The following CELSR1 variants were observed in gnomAD, a reference collection of about 807,000 sequenced individuals.
CELSR1 encodes adhesion G protein-coupled receptor C1.
Under a neutral mutation model 249.1 loss-of-function variants are expected in CELSR1, and 110 were observed. The observed-to-expected ratio is 0.44, with a 90% CI of 0.38 to 0.52. CELSR1 has a LOEUF of 0.52. Ranked by LOEUF, CELSR1 falls within the 20% of genes least tolerant of loss-of-function variation. CELSR1 has a pLI of 0.00. For missense variants in CELSR1, 4,109 were observed against 4,296.4 expected (o/e 0.96, Z 1.22); for synonymous variants, 2,113 against 1,900.0 (o/e 1.11, Z -2.92).
At position 46,445,385 on chromosome 22, in the gene CELSR1, T is replaced by C. The variant is rs577671598; in HGVS notation, c.4184-5974A>G. ...GGCGCATGCCTGTAGTCCCAGCTAC[T>C]AGGCAGGCTGAGGCAGGAGAATCTC... On this transcript the variant is annotated intron_variant, in intron 2 of 34. Coordinates refer to ENST00000674500, the MANE Select transcript of CELSR1 (RefSeq NM_001378328.1). This position sits in a 1 kb window ranked among gnomAD's most constrained non-coding sequence, Gnocchi z 4.4. Among the ~76,000 whole-genome samples, 17 of 152,202 alleles carry C rather than the reference T, an allele frequency of 1.1e-4. No individual in the cohort carries two copies. The South Asian group carries it at 1.7e-3, about 15-fold the overall frequency.
intron 1 of CELSR1, among the ~76,000 whole-genome samples, chr22:46,528,141 G>A (rs1025743700): frequency 2.0e-5 from 3 of 151,088 alleles, no homozygotes; most frequent in African/African-American, 7.3e-5. Flanking sequence ...CCTACCCTGT[G>A]AGTTCCAGAA....
chr22:46,482,342 C>G (rs738460), intron 1 of CELSR1, among the ~76,000 whole-genome samples: 130,834 of 151,846 alleles, frequency 0.86, 56,617 homozygotes, highest in East Asian at 1. Flanking sequence ...TTCTATGCTG[C>G]TGGCCCTGAA....
In CELSR1 at chr22:46,430,439, G is replaced by T. The variant is rs1159226358; in HGVS notation, c.4611+2954C>A. Among the ~76,000 whole-genome samples the T allele has an allele frequency of 6.6e-6, 1 of 152,026 alleles. No homozygotes were observed. The highest frequency in any genetic ancestry group is 1.9e-4 in the East Asian group (1 of 5,174). On this transcript the variant is annotated intron_variant, in intron 5 of 34. Transcript: ENST00000674500. This position sits in a 1 kb window ranked among gnomAD's most constrained non-coding sequence, Gnocchi z 4.6. ...GGCAGGCAGGGACGCGTGTGCAGGG[G>T]GGTTCCCTCGGCAGTGTCACCCACC...
At position 46,399,769 on chromosome 22, in the gene CELSR1, T is replaced by A; in HGVS notation, c.5360A>T (p.Asp1787Val). The A allele has an allele frequency of 6.2e-7, 1 of 1,614,014 alleles. No individual in the cohort carries two copies. ...GGTGACCAGGTGCTTCATCTCACTGTCCTCCTTAACATTCTTCAGCTCGAT... is the reference window on the plus strand; with the variant it reads ...GGTGACCAGGTGCTTCATCTCACTGACCTCCTTAACATTCTTCAGCTCGAT... ...LLIELKNVKE[D>V]SEMKHLVTMT... The change falls in exon 10 of 35, where the codon GAC (aspartate) becomes GTC (valine). Residue 1787 changes from aspartate (D) to valine (V), a missense_variant. Around this residue, in one of 7 missense-constraint regions of CELSR1, gnomAD observed 1,805 missense variants for 1,831.6 expected, o/e 0.99. Coordinates refer to ENST00000674500, the MANE Select transcript of CELSR1 (RefSeq NM_001378328.1). This position sits in a 1 kb window ranked among gnomAD's most constrained non-coding sequence, Gnocchi z 5.0.
chr22:46,485,033 T>C (rs980385599), intron 1 of CELSR1, among the ~76,000 whole-genome samples: 2 of 151,992 alleles, frequency 1.3e-5, no homozygotes, highest in Non-Finnish European at 2.9e-5. Flanking sequence ...AGAAGGGTCA[T>C]TTGAGATGAT....
chr22:46,374,262 G>T lies in CELSR1; in HGVS notation c.7585-1205C>A, dbSNP rs1480990514. Among the ~76,000 whole-genome samples the T allele has an allele frequency of 1.3e-5, 2 of 152,214 alleles. No individual in the cohort carries two copies. Among genetic ancestry groups the T allele is most frequent in the Non-Finnish European group, 2.9e-5 (2 of 68,034 alleles). On this transcript the variant is annotated intron_variant, in intron 24 of 34. Coordinates refer to ENST00000674500, the MANE Select transcript of CELSR1 (RefSeq NM_001378328.1). This position sits in a 1 kb window ranked among gnomAD's most constrained non-coding sequence, Gnocchi z 4.3. ...AAGGGGGTGAGAAGGTTGGTTGGCTGGATGGCTGCTTCAAGTAATGCGAAA... is the reference window on the plus strand; with the variant it reads ...AAGGGGGTGAGAAGGTTGGTTGGCTTGATGGCTGCTTCAAGTAATGCGAAA...
In CELSR1 at chr22:46,535,096, T is replaced by C. The variant is rs549630193; in HGVS notation, c.2075A>G (p.Tyr692Cys). ...DNDPVFTQPT[Y>C]ELRLNEDAAV... ...CGCATCCTCATTCAGACGAAGCTCGTAGGTGGGCTGCGTGAACACCGGGTC... is the reference window on the plus strand; with the variant it reads ...CGCATCCTCATTCAGACGAAGCTCGCAGGTGGGCTGCGTGAACACCGGGTC... Residue 692 changes from tyrosine (Y) to cysteine (C), a missense_variant, in exon 1 of 35, where the codon TAC (tyrosine) becomes TGC (cysteine). Physicochemically the swap from Tyr to Cys is radical, Grantham distance 194. Transcript: ENST00000674500. 5.6e-6 allele frequency: 9 copies of C among 1,612,206 alleles called. No homozygotes were observed. Among genetic ancestry groups the C allele is most frequent in the East Asian group, 4.5e-5 (2 of 44,860 alleles).
At position 46,428,717 on chromosome 22, in the gene CELSR1, G is replaced by A. The variant is rs571956234; in HGVS notation, c.4611+4676C>T. 3.3e-5 allele frequency among the ~76,000 whole-genome samples: 5 copies of A among 152,292 alleles called. No individual in the cohort carries two copies. The highest frequency in any genetic ancestry group is 2.1e-4 in the South Asian group (1 of 4,828). ...GGAAATCCTGACGCGGCTGCTCACC[G>A]CCTCCCACATCTGCTTCATGCGGGA... On this transcript the variant is annotated intron_variant, in intron 5 of 34. Transcript: ENST00000674500. This position sits in a 1 kb window ranked among gnomAD's most constrained non-coding sequence, Gnocchi z 5.7.
intron 1 of CELSR1, among the ~76,000 whole-genome samples, chr22:46,492,552 A>G (rs5767222): frequency 0.91 from 139,298 of 152,266 alleles, 63,863 homozygotes; most frequent in East Asian, 1. Context: ...GGCCAGGCGC[A>G]GTGGCTCACG....
rs1807938338 is a variant in CELSR1, at chr22:46,536,889, G to A, written c.282C>T (p.Ala94=). 8.2e-7 allele frequency: 1 copy of A among 1,225,322 alleles called. No individual in the cohort carries two copies. Among genetic ancestry groups the A allele is most frequent in the South Asian group, 2.4e-5 (1 of 40,930 alleles). The allele number at this position is 1,225,322 out of a possible 1,614,324, so 75.9% of individuals were successfully genotyped here. ...RPLPLQVRLV[A]RSAPTALSRR... ...GGCTCAGCGCCGTCGGGGCACTGCG[G>A]GCCACCAAGCGGACTTGCAGCGGCA... The change falls in exon 1 of 35, where the codon GCC becomes GCT. Residue 94 remains alanine (A), a synonymous_variant. Coordinates refer to ENST00000674500, the MANE Select transcript of CELSR1 (RefSeq NM_001378328.1).
At chr22:46,387,663 G>T (rs1034305120) in intron 18 of CELSR1, among the ~76,000 whole-genome samples, 2 of 152,086 alleles carry the variant, frequency 1.3e-5, no homozygotes, top group African/African-American at 4.8e-5. Flanking sequence ...CCGGCCAGAA[G>T]TCATTTTTTA....
In CELSR1 at chr22:46,361,251, G is replaced by A. The variant is rs899430538; in HGVS notation, c.*1972C>T. ...GTGTTTTGAACATTAATAAATACAC[G>A]TTCTGTTAAAAACCTCCAGTGTCTA... On this transcript the variant is annotated 3_prime_UTR_variant, in exon 35 of 35. Coordinates refer to ENST00000674500, the MANE Select transcript of CELSR1 (RefSeq NM_001378328.1). 6 of 152,534 alleles carry A rather than the reference G, an allele frequency of 3.9e-5. No individual in the cohort carries two copies. Among genetic ancestry groups the A allele is most frequent in the Non-Finnish European group, 7.3e-5 (5 of 68,044 alleles). The allele number at this position is 152,534 out of a possible 1,614,324, so 9.4% of individuals were successfully genotyped here. A position where few individuals can be genotyped will look rare whatever the true frequency, so the allele number is the denominator to read the frequency against.
At chr22:46,416,006 G>A (rs975789558) in intron 5 of CELSR1, among the ~76,000 whole-genome samples, 1 of 152,130 alleles carries the variant, frequency 6.6e-6, no homozygotes, top group Non-Finnish European at 1.5e-5. Context: ...AACAGCTCCC[G>A]ACTGTGGGGT....
In CELSR1 at chr22:46,529,752, G is replaced by A. The variant is rs191921615; in HGVS notation, c.3544+3875C>T. 5.0e-3 allele frequency among the ~76,000 whole-genome samples: 754 copies of A among 151,340 alleles called. 8 individuals are homozygous for A. Among genetic ancestry groups the A allele is most frequent in the African/African-American group, 0.018 (722 of 41,180 alleles). ...CAGGAGGTAGAGGTTGCAGTGAGCC[G>A]AGATCATGTCACTGCACTCTAGGCT... On this transcript the variant is annotated intron_variant, in intron 1 of 34. Transcript: ENST00000674500.
chr22:46,452,077 G>A (rs1017227624), intron 2 of CELSR1, among the ~76,000 whole-genome samples: 3 of 152,206 alleles, frequency 2.0e-5, no homozygotes, highest in Non-Finnish European at 4.4e-5. Context: ...CCTTGATTTC[G>A]GCCTTCCAGC....
rs1400795142 is a variant in CELSR1, at chr22:46,409,359, G to A, written c.5060-197C>T. On this transcript the variant is annotated intron_variant, in intron 8 of 34. Transcript: ENST00000674500. The surrounding 1 kb of genome is among the most constrained non-coding windows in gnomAD (Gnocchi z 9.8). ...CGTGGGCTCCAGAGAAGCGCACCCT[G>A]GGACGTGAGCCTCCTTGCTGGGAAG... Among the ~76,000 whole-genome samples, 1 of 152,200 alleles carries A rather than the reference G, an allele frequency of 6.6e-6. No homozygotes were observed.
Position 46,363,827 on chromosome 22 carries a change from G to T in CELSR1, c.9035+169C>A, listed in dbSNP as rs2078732886. On this transcript the variant is annotated intron_variant, in intron 34 of 34. Coordinates refer to ENST00000674500, the MANE Select transcript of CELSR1 (RefSeq NM_001378328.1). This position sits in a 1 kb window ranked among gnomAD's most constrained non-coding sequence, Gnocchi z 4.3. ...CTGCCCATCTCCGGGGTATCCTCCTGACCTCAGCTGCAGCGCCTCCCCCCT... is the reference window on the plus strand; with the variant it reads ...CTGCCCATCTCCGGGGTATCCTCCTTACCTCAGCTGCAGCGCCTCCCCCCT... 1 of 875,452 alleles carries T rather than the reference G, an allele frequency of 1.1e-6. No individual in the cohort carries two copies. Among genetic ancestry groups the T allele is most frequent in the South Asian group, 1.9e-5 (1 of 52,496 alleles). 54.2% of individuals were successfully genotyped at this position (875,452 alleles called of 1,614,324 possible). A position where few individuals can be genotyped will look rare whatever the true frequency, so the allele number is the denominator to read the frequency against.
In CELSR1 at chr22:46,426,126, G is replaced by GGCTGGGGAGGGCGCA. The variant is rs879557395; in HGVS notation, c.4611+7252_4611+7266dup. ...AGGGCTGAGTGAGGCAGAGCAGCAA[G>GGCTGGGGAGGGCGCA]GCTGGGGAGGGCGCAGCCGGGGAGG... On this transcript the variant is annotated intron_variant, in intron 5 of 34. Coordinates refer to ENST00000674500, the MANE Select transcript of CELSR1 (RefSeq NM_001378328.1). 4.3e-3 allele frequency among the ~76,000 whole-genome samples: 438 copies of GGCTGGGGAGGGCGCA among 102,752 alleles called. 3 individuals are homozygous for GGCTGGGGAGGGCGCA. The highest frequency in any genetic ancestry group is 5.9e-3 in the Non-Finnish European group (322 of 54,520). The allele number at this position is 102,752 out of a possible 152,430, so 67.4% of individuals were successfully genotyped here.
chr22:46,529,459 G>T (rs1175040256), intron 1 of CELSR1, among the ~76,000 whole-genome samples: 2 of 151,972 alleles, frequency 1.3e-5, no homozygotes, highest in African/African-American at 2.4e-5. Flanking sequence ...AGCTGGGAAG[G>T]GGGTAGCAGG....
Sources: gnomAD v4.1 joint callset for allele counts (sites outside exome capture counted in the v4.1 genomes callset) on GRCh38, gnomAD v4.1.1 for gene constraint, gnomAD v4.1.1 regional missense constraint, Gnocchi (gnomAD v3.1) non-coding constraint, MANE v1.5 for transcripts, NCBI Gene and HGNC (gene_info 2026-07-23, HGNC 2026-07-21) for gene names.